PIKFYVE: variants seen among roughly 807,000 people sequenced by gnomAD.
The protein encoded by PIKFYVE is phosphoinositide kinase, FYVE-type zinc finger containing.
A neutral mutation model predicts 257.9 loss-of-function variants in PIKFYVE; 122 were observed. The ratio of observed to expected loss-of-function variants is 0.47; its 90% confidence interval spans 0.41 to 0.55. The LOEUF is 0.55. Ranked by LOEUF, PIKFYVE falls within the 20% of genes least tolerant of loss-of-function variation. The pLI is 0.00. For synonymous variants in PIKFYVE, 892 were observed against 868.9 expected, an observed-to-expected ratio of 1.03 and a Z score of -0.47; for missense variants, 2,160 against 2,536.6, an observed-to-expected ratio of 0.85 and a Z score of 3.19.
At position 208,273,643 on chromosome 2, in the gene PIKFYVE, C is replaced by A; in HGVS notation, c.232C>A (p.Gln78Lys). ...TTTGAGTGGAAGTTGGACCAGCCCTCAGCTCCCTTCGAGGACACAGTCTGT... is the reference window on the plus strand; with the variant it reads ...TTTGAGTGGAAGTTGGACCAGCCCTAAGCTCCCTTCGAGGACACAGTCTGT... ...QPLSGSWTSP[Q>K]LPSRTQSVRS... Residue 78 changes from glutamine to lysine, a missense_variant, in exon 3 of 42, where the codon CAG (glutamine) becomes AAG (lysine). Gln to Lys is a moderately conservative substitution (Grantham distance 53). Coordinates refer to ENST00000264380, the MANE Select transcript of PIKFYVE (RefSeq NM_015040.4). The A allele has an allele frequency of 3.7e-6, 6 of 1,614,148 alleles. No individual in the cohort carries two copies. The highest frequency in any genetic ancestry group is 5.1e-6 in the Non-Finnish European group (6 of 1,180,030).
intron 32 of PIKFYVE, 151 bp from the exon 33 acceptor site, chr2:208,344,960 T>C (rs1426057119): frequency 3.3e-6 from 2 of 614,454 alleles, no homozygotes; most frequent in Non-Finnish European, 5.9e-6. Flanking sequence ...AAGCTTCTAC[T>C]TGATTGCTTT....
intron 12 of PIKFYVE, among the ~76,000 whole-genome samples, chr2:208,309,726 A>G (rs1422556930): frequency 6.6e-6 from 1 of 152,208 alleles, no homozygotes; most frequent in Non-Finnish European, 1.5e-5. Flanking sequence ...AACTTTTGCC[A>G]CTGTGCATGG....
At position 208,325,606 on chromosome 2, in the gene PIKFYVE, T is replaced by C. The variant is rs2363468; in HGVS notation, c.2795T>C (p.Leu932Ser). ...TGTGATGATAGCAGTTTGCTGGAAT[T>C]GAGGATTGTGTTTGAGAAGGGTGAG... Reference protein sequence around the residue: ...LPCDDSSLLELRIVFEKGEQE... With the variant: ...LPCDDSSLLESRIVFEKGEQE... The change falls in exon 20 of 42, where the codon TTG becomes TCG. Residue 932 changes from leucine (L) to serine (S), a missense_variant. Leu to Ser is a moderately radical substitution (Grantham distance 145, BLOSUM62 -2). Transcript: ENST00000264380. 1,568,429 of 1,614,034 alleles carry C rather than the reference T, an allele frequency of 0.97. 763,520 individuals are homozygous for C. Among genetic ancestry groups the C allele is most frequent in the Non-Finnish European group, 0.98 (1,160,809 of 1,180,026 alleles).
chr2:208,327,348 A>C (rs965820564), intron 20 of PIKFYVE, among the ~76,000 whole-genome samples: 1 of 152,174 alleles, frequency 6.6e-6, no homozygotes, highest in Admixed American at 6.5e-5. Context: ...ACTTTTTATA[A>C]TCTATCCTGC....
intron 6 of PIKFYVE, among the ~76,000 whole-genome samples, chr2:208,287,860 GT>G (rs1225805549): frequency 6.6e-6 from 1 of 151,948 alleles, no homozygotes; most frequent in African/African-American, 2.4e-5. Flanking sequence ...TCCCAAAGTG[GT>G]GGCATTATAG....
intron 33 of PIKFYVE, 61 bp from the exon 34 acceptor site, chr2:208,345,989 T>TA (rs1699191098): frequency 8.4e-7 from 1 of 1,193,936 alleles, no homozygotes; most frequent in African/African-American, 1.5e-5. Context: ...GTAGAGTACT[T>TA]ACTATTTTCT....
At chr2:208,352,808 A>T in intron 39 of PIKFYVE, 26 bp downstream of exon 39, 1 of 1,609,576 alleles carries the variant, frequency 6.2e-7, no homozygotes, top group Non-Finnish European at 8.5e-7. Flanking sequence ...TATGTGAAGC[A>T]TTTAGCTACT....
Position 208,318,425 on chromosome 2 carries a change from T to C in PIKFYVE, c.2082+484T>C, listed in dbSNP as rs1013179354. On this transcript the variant is annotated intron_variant, in intron 16 of 41. Transcript: ENST00000264380. ...ATAACCTGGGGTATTAAGGAGACTC[T>C]GAGTTCCTAAGGTGTAATATGGGCA... 3.3e-5 allele frequency among the ~76,000 whole-genome samples: 5 copies of C among 152,198 alleles called. No homozygotes were observed. In the East Asian group the frequency reaches 9.6e-4, roughly 29 times the overall value.
At chr2:208,329,970 A>G (rs1489151123) in intron 22 of PIKFYVE, 57 bp downstream of exon 22, 1 of 1,593,652 alleles carries the variant, frequency 6.3e-7, no homozygotes, top group Non-Finnish European at 8.6e-7. Flanking sequence ...TCAAAATTTC[A>G]AGCTAAAACG....
At chr2:208,267,958 T>TC (rs1383790331) in intron 1 of PIKFYVE, among the ~76,000 whole-genome samples, 3 of 152,206 alleles carry the variant, frequency 2.0e-5, no homozygotes, top group African/African-American at 7.2e-5. Context: ...CTGACTGGCT[T>TC]CTGATAGTTT....
chr2:208,277,466 G>C, intron 4 of PIKFYVE, 71 bp from the exon 5 acceptor site: 1 of 1,516,790 alleles, frequency 6.6e-7, no homozygotes, highest in Non-Finnish European at 9.1e-7. Flanking sequence ...AAACCTTTGA[G>C]GATTTCATTT....
At chr2:208,305,267 A>G (rs1372760204) in intron 12 of PIKFYVE, 1 of 1,350,110 alleles carries the variant, frequency 7.4e-7, no homozygotes, top group African/African-American at 1.5e-5. Context: ...AAGGAACTAC[A>G]TCTGACTGCT....
At chr2:208,303,285 G>GCACACACACAGGCA (rs1553512490) in intron 10 of PIKFYVE, among the ~76,000 whole-genome samples, 1 of 149,344 alleles carries the variant, frequency 6.7e-6, no homozygotes, top group Non-Finnish European at 1.5e-5. Flanking sequence ...ACACACACAG[G>GCACACACACAGGCA]CACACACACA....
chr2:208,317,649 C>A (rs1559113497), intron 15 of PIKFYVE, among the ~76,000 whole-genome samples: 1 of 152,012 alleles, frequency 6.6e-6, no homozygotes. Context: ...ACTTTAGAGT[C>A]CTAGGGTAGT....
chr2:208,329,481 AG>A (rs1345253749), intron 21 of PIKFYVE, among the ~76,000 whole-genome samples: 2 of 152,224 alleles, frequency 1.3e-5, no homozygotes, highest in Non-Finnish European at 2.9e-5. Flanking sequence ...TGCTCAGTAA[AG>A]GCATGGACAA....
intron 13 of PIKFYVE, among the ~76,000 whole-genome samples, chr2:208,312,604 A>G (rs1475155454): frequency 6.6e-6 from 1 of 152,194 alleles, no homozygotes; most frequent in African/African-American, 2.4e-5. Context: ...TGTGAATATA[A>G]TATTAAGTAT....
At chr2:208,320,939 C>T (rs1346159241) in intron 17 of PIKFYVE, among the ~76,000 whole-genome samples, 1 of 152,218 alleles carries the variant, frequency 6.6e-6, no homozygotes, top group Non-Finnish European at 1.5e-5. Context: ...CAGGGAGGCA[C>T]ACCCGCATCT....
intron 5 of PIKFYVE, among the ~76,000 whole-genome samples, chr2:208,280,649 C>T (rs917223921): frequency 6.6e-6 from 1 of 152,124 alleles, no homozygotes; most frequent in Non-Finnish European, 1.5e-5. Context: ...ATGACCAATC[C>T]CCTCTTCATT....
chr2:208,353,850 A>G (rs755072782), intron 39 of PIKFYVE, 48 bp from the exon 40 acceptor site: 15 of 1,607,870 alleles, frequency 9.3e-6, no homozygotes, highest in Non-Finnish European at 1.3e-5. Context: ...TTAACTAATC[A>G]TTTGTGGCAA....
Sources: allele counts gnomAD v4.1 joint callset (sites outside exome capture counted in the v4.1 genomes callset), GRCh38; gene constraint gnomAD v4.1.1; transcripts MANE v1.5; gene names NCBI Gene and HGNC (gene_info 2026-07-23, HGNC 2026-07-21).